Variants in SUPT3H observed in about 807,000 individuals in gnomAD.
SUPT3H encodes SPT3 homolog, SAGA and STAGA complex component.
A neutral mutation model predicts 44.3 loss-of-function variants in SUPT3H; 44 were observed. The observed-to-expected ratio is 0.99, with a 90% CI of 0.78 to 1.28. SUPT3H has a LOEUF of 1.28. SUPT3H is among the 50% of genes most tolerant of loss of function. SUPT3H has a pLI of 0.00. For missense variants in SUPT3H, 380 were observed against 387.1 expected, an observed-to-expected ratio of 0.98 and a Z score of 0.15; for synonymous variants, 124 against 125.6, an observed-to-expected ratio of 0.99 and a Z score of 0.09.
intron 3 of SUPT3H, among the ~76,000 whole-genome samples, chr6:45,050,251 T>C (rs560167326): frequency 6.7e-6 from 1 of 150,034 alleles, no homozygotes; most frequent in Non-Finnish European, 1.5e-5. Flanking sequence ...TCCACACACA[T>C]GGTTTAGCAA....
rs748707970 is a variant in SUPT3H at position 45,003,651 on chromosome 6, A to AC, written c.504+1dup. 3 of 1,612,896 alleles carry AC rather than the reference A, an allele frequency of 1.9e-6. No individual in the cohort carries two copies. In the South Asian group the frequency reaches 3.3e-5, roughly 18 times the overall value. On this transcript the variant is annotated splice_donor_variant, in intron 6 of 10. Coordinates refer to ENST00000371459, the MANE Select transcript of SUPT3H (RefSeq NM_003599.4). LOFTEE classifies it high-confidence loss of function. The stretch of plus-strand genomic sequence containing the variant: ...CTGTAAAAAGGGAAGAATGTACTAT[A>AC]CCTCCATTCTTTCTTGTTTAACTTC...
chr6:45,122,702 G>C (rs62438878), intron 2 of SUPT3H, among the ~76,000 whole-genome samples: 2 of 152,044 alleles, frequency 1.3e-5, no homozygotes, highest in African/African-American at 2.4e-5. Flanking sequence ...AAAAAATTTT[G>C]GGAGTATTGT....
chr6:44,966,535 A>T (rs1199111682), intron 6 of SUPT3H, among the ~76,000 whole-genome samples: 3 of 151,930 alleles, frequency 2.0e-5, no homozygotes, highest in Non-Finnish European at 2.9e-5. Flanking sequence ...TTAAAGGAAA[A>T]CTTTAAAAGC....
At chr6:45,191,132 C>T (rs1208222896) in intron 2 of SUPT3H, among the ~76,000 whole-genome samples, 1 of 152,058 alleles carries the variant, frequency 6.6e-6, no homozygotes, top group Non-Finnish European at 1.5e-5. Context: ...TTTATAGTGG[C>T]TTTATTTATA....
chr6:45,106,416 A>T (rs115719034), intron 2 of SUPT3H, among the ~76,000 whole-genome samples: 1 of 152,162 alleles, frequency 6.6e-6, no homozygotes, highest in Non-Finnish European at 1.5e-5. Context: ...TGGGCAATGG[A>T]GTCAGACCCT....
chr6:45,275,345 T>C (rs2153663713), intron 2 of SUPT3H, among the ~76,000 whole-genome samples: 1 of 152,336 alleles, frequency 6.6e-6, no homozygotes, highest in Non-Finnish European at 1.5e-5. Flanking sequence ...TCTGTTATTT[T>C]TGAGATGTAT....
chr6:45,330,590 C>A (rs945366391), intron 2 of SUPT3H, among the ~76,000 whole-genome samples: 6 of 151,972 alleles, frequency 3.9e-5, no homozygotes, highest in Admixed American at 6.6e-5. Context: ...TGTTAAAATT[C>A]TCACAAAGAA....
At chr6:44,894,463 C>G (rs1763805186) in intron 10 of SUPT3H, among the ~76,000 whole-genome samples, 1 of 152,156 alleles carries the variant, frequency 6.6e-6, no homozygotes, top group Non-Finnish European at 1.5e-5. Flanking sequence ...TTCCCAGCAC[C>G]ATTTATAAAT....
chr6:45,096,151 T>A (rs1267453541), intron 3 of SUPT3H, among the ~76,000 whole-genome samples: 1 of 152,156 alleles, frequency 6.6e-6, no homozygotes, highest in Non-Finnish European at 1.5e-5. Context: ...AACTAAGAGT[T>A]TGAAACCTTT....
intron 2 of SUPT3H, among the ~76,000 whole-genome samples, chr6:45,356,157 G>C (rs542558335): frequency 6.6e-6 from 1 of 151,986 alleles, no homozygotes; most frequent in Non-Finnish European, 1.5e-5. Context: ...ATGCCAATTA[G>C]AAAACTTTCT....
At chr6:45,252,410 T>G (rs1469531250) in intron 2 of SUPT3H, among the ~76,000 whole-genome samples, 1 of 152,208 alleles carries the variant, frequency 6.6e-6, no homozygotes, top group African/African-American at 2.4e-5. Flanking sequence ...TGAAATAATA[T>G]GATGAAACAA....
At chr6:45,060,760 AC>A (rs1791875098) in intron 3 of SUPT3H, among the ~76,000 whole-genome samples, 1 of 152,186 alleles carries the variant, frequency 6.6e-6, no homozygotes, top group African/African-American at 2.4e-5. Context: ...AGAAAAAAAT[AC>A]ACAACCCCAT....
chr6:45,021,936 G>C (rs1296354938), intron 3 of SUPT3H, among the ~76,000 whole-genome samples: 1 of 151,806 alleles, frequency 6.6e-6, no homozygotes, highest in Non-Finnish European at 1.5e-5. Flanking sequence ...AATCTTGGTG[G>C]GGGGGTAGGT....
Position 44,899,610 on chromosome 6 carries a change from C to T in SUPT3H, c.912+33043G>A, listed in dbSNP as rs1397995044. Among the ~76,000 whole-genome samples, 7 of 152,198 alleles carry T rather than the reference C, an allele frequency of 4.6e-5. No homozygotes were observed. In the South Asian group the frequency reaches 1.2e-3, roughly 27 times the overall value. The stretch of plus-strand genomic sequence containing the variant: ...GCTGAGGCAGGAGAATCGTTTGAAC[C>T]CGGGAGATGGAGGATGCAGTGAGCT... On this transcript the variant is annotated intron_variant, in intron 10 of 10. Coordinates refer to ENST00000371459, the MANE Select transcript of SUPT3H (RefSeq NM_003599.4).
rs76985120 is a variant in SUPT3H at position 44,914,185 on chromosome 6, C to T, written c.912+18468G>A. ...AAGATTAAATGTTTTATACATATTA[C>T]CTAGTCACCTAAAAGCCACTTTTGC... On this transcript the variant is annotated intron_variant, in intron 10 of 10. Transcript: ENST00000371459. 3.8e-3 allele frequency among the ~76,000 whole-genome samples: 584 copies of T among 152,202 alleles called. 2 individuals carry two copies. The highest frequency in any genetic ancestry group is 6.2e-3 in the Non-Finnish European group (421 of 68,000).
At chr6:44,843,287 AGCT>A (rs1383629597) in intron 10 of SUPT3H, among the ~76,000 whole-genome samples, 2 of 152,204 alleles carry the variant, frequency 1.3e-5, no homozygotes, top group African/African-American at 4.8e-5. Flanking sequence ...AAAACCCCAC[AGCT>A]AACATCAGTC....
chr6:45,365,100 T>C, intron 2 of SUPT3H, 101 bp downstream of exon 2: 1 of 763,362 alleles, frequency 1.3e-6, no homozygotes, highest in Admixed American at 3.0e-5. Context: ...TAATAACAAA[T>C]TATTTCCAAG....
intron 10 of SUPT3H, among the ~76,000 whole-genome samples, chr6:44,923,626 G>A (rs759105499): frequency 2.0e-5 from 3 of 152,036 alleles, no homozygotes; most frequent in Non-Finnish European, 4.4e-5. Flanking sequence ...AAGCAGGAAA[G>A]AGTAAAATGT....
At chr6:45,151,231 A>C (rs1330885088) in intron 2 of SUPT3H, among the ~76,000 whole-genome samples, 1 of 152,160 alleles carries the variant, frequency 6.6e-6, no homozygotes, top group Non-Finnish European at 1.5e-5. Flanking sequence ...CTAAACTCTT[A>C]ATAAATTTTA....
Sources: gnomAD v4.1 joint callset for allele counts (sites outside exome capture counted in the v4.1 genomes callset) on GRCh38, gnomAD v4.1.1 for gene constraint, MANE v1.5 for transcripts, NCBI Gene and HGNC (gene_info 2026-07-23, HGNC 2026-07-21) for gene names.